Variants in BTBD9 observed in about 807,000 individuals in gnomAD.
BTBD9 encodes the protein BTB domain containing 9.
A neutral mutation model predicts 64.3 loss-of-function variants in BTBD9; 49 were observed. The ratio of observed to expected loss-of-function variants is 0.76; its 90% confidence interval spans 0.61 to 0.97. The LOEUF is 0.97. Ranked by LOEUF, BTBD9 falls within the 50% of genes least tolerant of loss-of-function variation. The pLI is 0.00. For synonymous variants in BTBD9, 260 were observed against 274.7 expected, an observed-to-expected ratio of 0.95 and a Z score of 0.53; for missense variants, 598 against 762.1, an observed-to-expected ratio of 0.78 and a Z score of 2.53.
chr6:38,397,949 C>A (rs189737801), intron 6 of BTBD9, among the ~76,000 whole-genome samples: 2 of 152,044 alleles, frequency 1.3e-5, no homozygotes, highest in African/African-American at 4.8e-5. Context: ...AGCAGGAGTG[C>A]GGTACTATTG....
At chr6:38,413,017 T>C (rs1186540032) in intron 6 of BTBD9, among the ~76,000 whole-genome samples, 2 of 152,216 alleles carry the variant, frequency 1.3e-5, no homozygotes, top group African/African-American at 4.8e-5. Context: ...TGTGTGGCCC[T>C]GCTACCAACC....
chr6:38,476,002 A>G (rs1373701656), intron 6 of BTBD9, among the ~76,000 whole-genome samples: 1 of 152,144 alleles, frequency 6.6e-6, no homozygotes, highest in Non-Finnish European at 1.5e-5. Context: ...AAGAATGTAA[A>G]CTGGCTAATT....
At chr6:38,524,184 G>A (rs1314064824) in intron 6 of BTBD9, among the ~76,000 whole-genome samples, 1 of 151,824 alleles carries the variant, frequency 6.6e-6, no homozygotes, top group African/African-American at 2.4e-5. Flanking sequence ...AGAAATAAGA[G>A]TAACTAGCCA....
chr6:38,198,879 G>C (rs904115275), intron 9 of BTBD9, among the ~76,000 whole-genome samples: 1 of 152,186 alleles, frequency 6.6e-6, no homozygotes, highest in Non-Finnish European at 1.5e-5. Context: ...AGGTATGACT[G>C]TCTCTCTGCA....
intron 6 of BTBD9, among the ~76,000 whole-genome samples, chr6:38,492,899 C>G (rs990567347): frequency 6.6e-6 from 1 of 152,100 alleles, no homozygotes; most frequent in Non-Finnish European, 1.5e-5. Context: ...AAGGAGTTGG[C>G]AAATTATGTT....
chr6:38,273,591 A>T (rs908861123), intron 8 of BTBD9, among the ~76,000 whole-genome samples: 1 of 152,202 alleles, frequency 6.6e-6, no homozygotes, highest in African/African-American at 2.4e-5. Context: ...ACAGGCAACT[A>T]AAACCACAGA....
intron 1 of BTBD9, among the ~76,000 whole-genome samples, chr6:38,628,211 A>G (rs2127529979): frequency 6.6e-6 from 1 of 152,198 alleles, no homozygotes; most frequent in East Asian, 1.9e-4. Flanking sequence ...ATAAAATGAA[A>G]AATAGAGAGA....
intron 6 of BTBD9, among the ~76,000 whole-genome samples, chr6:38,397,491 G>A (rs1766733247): frequency 6.6e-6 from 1 of 152,212 alleles, no homozygotes. Context: ...TTCAAAAGAA[G>A]AACATGTTGG....
At chr6:38,484,365 TA>T (rs1476922892) in intron 6 of BTBD9, among the ~76,000 whole-genome samples, 8 of 152,238 alleles carry the variant, frequency 5.3e-5, no homozygotes, top group African/African-American at 1.9e-4. Flanking sequence ...CTAGAGTAGA[TA>T]AAATGTGGGT....
chr6:38,593,898 C>A, intron 3 of BTBD9, 66 bp downstream of exon 3: 1 of 1,359,674 alleles, frequency 7.4e-7, no homozygotes, highest in Non-Finnish European at 1.0e-6. Flanking sequence ...CATTGCTATA[C>A]TTCTACAGTA....
chr6:38,396,287 CA>C (rs1322439710), intron 6 of BTBD9, among the ~76,000 whole-genome samples: 1 of 152,038 alleles, frequency 6.6e-6, no homozygotes, highest in Admixed American at 6.6e-5. Flanking sequence ...AAGATAAAAC[CA>C]AAACTAAAAA....
chr6:38,458,944 A>G (rs1769945488), intron 6 of BTBD9, among the ~76,000 whole-genome samples: 1 of 152,184 alleles, frequency 6.6e-6, no homozygotes, highest in Non-Finnish European at 1.5e-5. Flanking sequence ...ATGTTCTATT[A>G]AAGGTATTAT....
intron 4 of BTBD9, among the ~76,000 whole-genome samples, chr6:38,581,321 G>T (rs1282431237): frequency 6.6e-6 from 1 of 152,072 alleles, no homozygotes; most frequent in African/African-American, 2.4e-5. Flanking sequence ...AAAAAGAAAG[G>T]TTCCAATATA....
At chr6:38,281,358 G>A (rs1364804885) in intron 8 of BTBD9, among the ~76,000 whole-genome samples, 4 of 152,058 alleles carry the variant, frequency 2.6e-5, no homozygotes, top group Non-Finnish European at 5.9e-5. Context: ...AATTGAACTC[G>A]GCATGGGCTT....
At chr6:38,616,961 C>T (rs990812263) in intron 1 of BTBD9, among the ~76,000 whole-genome samples, 1 of 152,154 alleles carries the variant, frequency 6.6e-6, no homozygotes, top group Admixed American at 6.5e-5. Flanking sequence ...ATCTTGGGGA[C>T]TTGTCCAGGA....
chr6:38,262,699 A>C (rs1764835565), intron 8 of BTBD9, among the ~76,000 whole-genome samples: 1 of 152,198 alleles, frequency 6.6e-6, no homozygotes, highest in African/African-American at 2.4e-5. Flanking sequence ...TGAGGTTTCC[A>C]GTCTTTAAAA....
At chr6:38,191,670 T>C (rs1245390421) in intron 10 of BTBD9, among the ~76,000 whole-genome samples, 1 of 151,986 alleles carries the variant, frequency 6.6e-6, no homozygotes, top group African/African-American at 2.4e-5. Context: ...GCAGTGATCA[T>C]GGGTGAGATG....
intron 7 of BTBD9, among the ~76,000 whole-genome samples, chr6:38,301,851 C>T (rs1345416700): frequency 6.6e-6 from 1 of 152,086 alleles, no homozygotes; most frequent in Non-Finnish European, 1.5e-5. Flanking sequence ...TTTTGTGTCT[C>T]TATTTCCTTC....
chr6:38,394,299 G>T (rs1381639476), intron 6 of BTBD9, among the ~76,000 whole-genome samples: 1 of 152,166 alleles, frequency 6.6e-6, no homozygotes, highest in Non-Finnish European at 1.5e-5. Flanking sequence ...GGTGCTGATG[G>T]TGGTGATAGG....
Sources: gnomAD v4.1 joint callset for allele counts (sites outside exome capture counted in the v4.1 genomes callset) on GRCh38, gnomAD v4.1.1 for gene constraint, MANE v1.5 for transcripts, NCBI Gene and HGNC (gene_info 2026-07-23, HGNC 2026-07-21) for gene names.